The following SUSD6 variants were observed in gnomAD, a reference collection of about 807,000 sequenced individuals.
SUSD6 encodes the protein sushi domain containing 6.
SUSD6 carries 16 observed loss-of-function variants against 28.4 expected under a neutral mutation model. The ratio of observed to expected loss-of-function variants is 0.56; its 90% CI spans 0.38 to 0.86. The LOEUF (loss-of-function observed/expected upper bound fraction) is 0.86. SUSD6 is among the 40% of genes least tolerant of loss of function. SUSD6 has a pLI of 0.00. For synonymous variants in SUSD6, 147 were observed against 159.6 expected (o/e 0.92, Z 0.59); for missense variants, 341 against 384.2 (o/e 0.89, Z 0.94).
intron 5 of SUSD6, 22 bp downstream of exon 5, chr14:69,709,126 T>G: frequency 6.5e-7 from 1 of 1,536,630 alleles, no homozygotes. Flanking sequence ...AAGCTGAACA[T>G]GAATTATTAG....
At chr14:69,625,057 A>T (rs928943278) in intron 1 of SUSD6, among the ~76,000 whole-genome samples, 8 of 152,238 alleles carry the variant, frequency 5.3e-5, no homozygotes, top group African/African-American at 1.9e-4. Context: ...CAACTAAAAG[A>T]TACTTAAATG....
chr14:69,684,809 A>G (rs1442520365), intron 2 of SUSD6, among the ~76,000 whole-genome samples: 1 of 152,222 alleles, frequency 6.6e-6, no homozygotes, highest in Non-Finnish European at 1.5e-5. Flanking sequence ...GCAGAAGAGG[A>G]GCTAAGGAGA....
intron 1 of SUSD6, among the ~76,000 whole-genome samples, chr14:69,644,130 G>T (rs541053892): frequency 6.6e-6 from 1 of 152,032 alleles, no homozygotes; most frequent in Non-Finnish European, 1.5e-5. Flanking sequence ...AACTCTTAAG[G>T]GCGTATGCTT....
At chr14:69,673,214 A>C (rs1272137591) in intron 2 of SUSD6, among the ~76,000 whole-genome samples, 1 of 152,196 alleles carries the variant, frequency 6.6e-6, no homozygotes, top group African/African-American at 2.4e-5. Context: ...GTGAGTTTCA[A>C]ATTTGAGCTA....
chr14:69,655,756 G>A (rs1885573132), intron 1 of SUSD6, among the ~76,000 whole-genome samples: 1 of 152,088 alleles, frequency 6.6e-6, no homozygotes, highest in African/African-American at 2.4e-5. Context: ...TCACACCACT[G>A]CATTCCAGCC....
chr14:69,627,592 G>A (rs1885132629), intron 1 of SUSD6, among the ~76,000 whole-genome samples: 1 of 152,166 alleles, frequency 6.6e-6, no homozygotes. Flanking sequence ...AGCCTCCTGA[G>A]TAGCTGAGAT....
chr14:69,705,335 A>G (rs1471339735), intron 4 of SUSD6, among the ~76,000 whole-genome samples: 3 of 148,390 alleles, frequency 2.0e-5, no homozygotes, highest in Non-Finnish European at 3.0e-5. Context: ...AAAAAAAACA[A>G]AAAAAAACGG....
intron 2 of SUSD6, among the ~76,000 whole-genome samples, chr14:69,678,997 T>C (rs1885958930): frequency 6.6e-6 from 1 of 152,204 alleles, no homozygotes; most frequent in African/African-American, 2.4e-5. Flanking sequence ...CAGTTTACAC[T>C]ACTACTGATG....
At position 69,708,692 on chromosome 14, in the gene SUSD6, A is replaced by G. The variant is rs938115834; in HGVS notation, c.474A>G (p.Val158=). The G allele has an allele frequency of 1.2e-5, 19 of 1,580,424 alleles. No individual in the cohort carries two copies. Among genetic ancestry groups the G allele is most frequent in the Non-Finnish European group, 1.5e-5 (18 of 1,161,336 alleles). The change falls in exon 5 of 6, where the codon GTA becomes GTG. Residue 158 remains valine (V), a synonymous_variant. Transcript: ENST00000342745. ...SFHHSRRDQG[V]SGDQVSIMVD... ...TCCACTCCAGGCGTGACCAGGGGGT[A>G]TCTGGGGACCAGGTCTCCATCATGG...
intron 1 of SUSD6, among the ~76,000 whole-genome samples, chr14:69,647,924 G>A (rs1465315217): frequency 6.6e-6 from 1 of 152,108 alleles, no homozygotes; most frequent in Non-Finnish European, 1.5e-5. Context: ...GGCAGAGGTT[G>A]CCGTGAGCCG....
At position 69,710,941 on chromosome 14, in the gene SUSD6, G is replaced by T. The variant is rs1269322735; in HGVS notation, c.887-13G>T. On this transcript the variant is annotated splice_polypyrimidine_tract_variant and intron_variant, in intron 5 of 5. Transcript: ENST00000342745. The stretch of plus-strand genomic sequence containing the variant: ...AAGGTAACCACTGTGCTTTTCTTCT[G>T]GTCTTCCTGCAGATATTCCACTGTT... 1.2e-6 allele frequency: 2 copies of T among 1,613,900 alleles called. No individual in the cohort carries two copies. The highest frequency in any genetic ancestry group is 2.2e-5 in the South Asian group (2 of 91,076).
intron 2 of SUSD6, among the ~76,000 whole-genome samples, chr14:69,677,462 G>A (rs1885928453): frequency 6.6e-6 from 1 of 151,746 alleles, no homozygotes; most frequent in Non-Finnish European, 1.5e-5. Flanking sequence ...CAGGAGAATG[G>A]CATGAACCTG....
chr14:69,691,568 C>CA (rs1316588616), intron 2 of SUSD6, among the ~76,000 whole-genome samples: 2 of 152,202 alleles, frequency 1.3e-5, no homozygotes, highest in Non-Finnish European at 2.9e-5. Flanking sequence ...AATCAGCACA[C>CA]TACCTGACCC....
At chr14:69,639,635 A>G (rs1885320126) in intron 1 of SUSD6, among the ~76,000 whole-genome samples, 1 of 152,192 alleles carries the variant, frequency 6.6e-6, no homozygotes, top group African/African-American at 2.4e-5. Context: ...CCACATGTAC[A>G]ACTAAGGTGG....
intron 1 of SUSD6, among the ~76,000 whole-genome samples, chr14:69,631,360 A>T (rs753015073): frequency 3.3e-5 from 5 of 152,232 alleles, no homozygotes; most frequent in Non-Finnish European, 5.9e-5. Context: ...GAATTATGTT[A>T]TATAAAATGG....
intron 1 of SUSD6, among the ~76,000 whole-genome samples, chr14:69,633,741 C>T (rs1466032924): frequency 6.6e-6 from 1 of 152,094 alleles, no homozygotes; most frequent in Non-Finnish European, 1.5e-5. Context: ...TGATTGTTTG[C>T]TGTTTGGGTT....
At chr14:69,623,126 G>C (rs1375602441) in intron 1 of SUSD6, among the ~76,000 whole-genome samples, 3 of 152,062 alleles carry the variant, frequency 2.0e-5, no homozygotes, top group Non-Finnish European at 4.4e-5. Context: ...ACTTGCCAAG[G>C]AACAGCAAAC....
intron 2 of SUSD6, among the ~76,000 whole-genome samples, chr14:69,684,674 G>C (rs1224958489): frequency 6.6e-6 from 1 of 152,248 alleles, no homozygotes; most frequent in Non-Finnish European, 1.5e-5. Context: ...CGTGTCTGTA[G>C]CCCCGTGAAT....
intron 1 of SUSD6, among the ~76,000 whole-genome samples, chr14:69,658,126 T>C (rs1293674392): frequency 6.6e-6 from 1 of 152,238 alleles, no homozygotes; most frequent in Non-Finnish European, 1.5e-5. Flanking sequence ...TTTTTCCTTT[T>C]GGTTAGTTGA....
Sources: allele counts gnomAD v4.1 joint callset (sites outside exome capture counted in the v4.1 genomes callset), GRCh38; gene constraint gnomAD v4.1.1; transcripts MANE v1.5; gene names NCBI Gene and HGNC (gene_info 2026-07-23, HGNC 2026-07-21).